Variants in NARS2 observed in about 807,000 individuals in gnomAD.
The protein encoded by NARS2 is asparaginyl-tRNA synthetase 2, mitochondrial.
In NARS2, 60 loss-of-function variants were observed where a neutral mutation model predicts 62.9. That is an observed-to-expected ratio of 0.95 (90% CI 0.77 to 1.18). NARS2 has a LOEUF of 1.18. Among genes scored for constraint, NARS2 ranks in the 50% most tolerant of loss-of-function variants. NARS2 has a pLI of 0.00. For missense variants in NARS2, 619 were observed against 576.4 expected (o/e 1.07, Z -0.76); for synonymous variants, 196 against 200.0 (o/e 0.98, Z 0.17).
intron 7 of NARS2, 24 bp from the exon 8 acceptor site, chr11:78,478,707 C>T (rs1321758549): frequency 2.7e-6 from 4 of 1,477,048 alleles, no homozygotes; most frequent in Non-Finnish European, 3.7e-6. Context: ...AATAGAATCA[C>T]CTGACACGTA....
chr11:78,476,754 T>C (rs1859116179), intron 9 of NARS2, among the ~76,000 whole-genome samples: 1 of 152,088 alleles, frequency 6.6e-6, no homozygotes, highest in Non-Finnish European at 1.5e-5. Context: ...GAGGACATTT[T>C]CCAACCTTAA....
intron 6 of NARS2, among the ~76,000 whole-genome samples, chr11:78,505,336 A>T (rs920942365): frequency 6.6e-6 from 1 of 151,298 alleles, no homozygotes; most frequent in Non-Finnish European, 1.5e-5. Context: ...ACGTATGTAT[A>T]TATCTTATGT....
At chr11:78,574,291 G>C (rs749938790) in intron 1 of NARS2, 57 bp downstream of exon 1, 13 of 1,603,804 alleles carry the variant, frequency 8.1e-6, no homozygotes, top group Non-Finnish European at 1.1e-5. Context: ...GCTAGATGTG[G>C]ATGTGCCATA....
chr11:78,456,478 A>G (rs911804286), intron 11 of NARS2, among the ~76,000 whole-genome samples: 3 of 152,154 alleles, frequency 2.0e-5, no homozygotes, highest in African/African-American at 7.2e-5. Context: ...TCCCTTCATC[A>G]CTATTTCTGT....
chr11:78,538,422 G>GA (rs879850642), intron 5 of NARS2, among the ~76,000 whole-genome samples: 1 of 152,040 alleles, frequency 6.6e-6, no homozygotes, highest in Non-Finnish European at 1.5e-5. Flanking sequence ...TTCTAATGGG[G>GA]AAAAAAGAAA....
Position 78,442,675 on chromosome 11 carries a change from A to G in NARS2, c.1262+986T>C, listed in dbSNP as rs1464154001. ...CTTTTACTAAAGTAGGAATCATGGA[A>G]AACAGGTATGGTTAGTTTAGGAAGT... On this transcript the variant is annotated intron_variant, in intron 12 of 13. Coordinates refer to ENST00000281038, the MANE Select transcript of NARS2 (RefSeq NM_024678.6). 2.0e-5 allele frequency among the ~76,000 whole-genome samples: 3 copies of G among 152,056 alleles called. No individual in the cohort carries two copies. The East Asian group carries it at 5.8e-4, about 29-fold the overall frequency.
At chr11:78,479,827 A>C (rs1471805986) in intron 7 of NARS2, among the ~76,000 whole-genome samples, 1 of 152,228 alleles carries the variant, frequency 6.6e-6, no homozygotes, top group Non-Finnish European at 1.5e-5. Context: ...ACATTAATAT[A>C]ACCAGATATA....
intron 6 of NARS2, among the ~76,000 whole-genome samples, chr11:78,521,166 CTTT>C (rs965232875): frequency 7.4e-6 from 1 of 135,362 alleles, no homozygotes; most frequent in Admixed American, 7.3e-5. Flanking sequence ...CTCTCTCTTT[CTTT>C]TTTTTTTTTT....
intron 9 of NARS2, among the ~76,000 whole-genome samples, chr11:78,472,071 C>T (rs943933194): frequency 1.3e-5 from 2 of 152,170 alleles, no homozygotes; most frequent in African/African-American, 4.8e-5. Context: ...AAATGACTCT[C>T]ATGTCTAAAT....
chr11:78,520,622 T>G (rs1861079741), intron 6 of NARS2, among the ~76,000 whole-genome samples: 1 of 152,218 alleles, frequency 6.6e-6, no homozygotes, highest in Admixed American at 6.5e-5. Flanking sequence ...TAAAGCCCAC[T>G]GAATCCTTCC....
chr11:78,544,048 TCA>T (rs1211778384), intron 5 of NARS2, among the ~76,000 whole-genome samples: 2 of 144,452 alleles, frequency 1.4e-5, no homozygotes, highest in Non-Finnish European at 3.0e-5. Context: ...AAACTCTCTC[TCA>T]CTCTCCAGAA....
At chr11:78,545,994 CTAAAAT>C (rs1855860864) in intron 5 of NARS2, among the ~76,000 whole-genome samples, 1 of 152,200 alleles carries the variant, frequency 6.6e-6, no homozygotes, top group African/African-American at 2.4e-5. Context: ...ACAAATCATT[CTAAAAT>C]TTAGCGGCTT....
intron 6 of NARS2, among the ~76,000 whole-genome samples, chr11:78,519,583 G>A (rs530674164): frequency 2.6e-5 from 4 of 152,174 alleles, no homozygotes; most frequent in Admixed American, 2.6e-4. Context: ...AAAACAGCAT[G>A]ATGTAAAGAC....
intron 6 of NARS2, among the ~76,000 whole-genome samples, chr11:78,520,822 G>A (rs759525864): frequency 2.6e-5 from 4 of 152,132 alleles, no homozygotes; most frequent in Admixed American, 2.0e-4. Flanking sequence ...TTGGGAGGCC[G>A]AGGCGGGTGG....
intron 5 of NARS2, among the ~76,000 whole-genome samples, chr11:78,543,571 T>C (rs1855717215): frequency 6.6e-6 from 1 of 152,066 alleles, no homozygotes; most frequent in African/African-American, 2.4e-5. Context: ...TAACCATTTG[T>C]AGGAAAAAAA....
In NARS2 at chr11:78,566,198, A is replaced by C. The variant is rs1422041196; in HGVS notation, c.447T>G (p.Thr149=). ...LRQYPHFRCR[T]NVLGSILRIR... ...TCCTCAATATAGAACCCAGAACGTT[A>C]GTCCTACACCTAAAGTGAGGATATT... is the stretch of plus-strand genomic sequence containing the variant. Residue 149 remains threonine (T), a synonymous_variant, in exon 4 of 14, where the codon ACT becomes ACG. Transcript: ENST00000281038. The C allele has an allele frequency of 1.9e-6, 3 of 1,612,904 alleles. No individual in the cohort carries two copies. The highest frequency in any genetic ancestry group is 2.5e-6 in the Non-Finnish European group (3 of 1,179,196).
intron 11 of NARS2, among the ~76,000 whole-genome samples, chr11:78,461,717 C>T (rs965466228): frequency 5.5e-5 from 8 of 145,614 alleles, no homozygotes; most frequent in African/African-American, 1.3e-4. Context: ...GAGGCTGAGG[C>T]GGATGGACTG....
intron 11 of NARS2, among the ~76,000 whole-genome samples, chr11:78,462,154 A>C (rs1433703108): frequency 1.3e-5 from 2 of 152,234 alleles, no homozygotes; most frequent in African/African-American, 4.8e-5. Flanking sequence ...AAGATGCTTA[A>C]TCTAGGGAAA....
intron 5 of NARS2, among the ~76,000 whole-genome samples, chr11:78,552,166 C>T (rs1487108334): frequency 6.6e-6 from 1 of 152,206 alleles, no homozygotes; most frequent in African/African-American, 2.4e-5. Context: ...CTCAGGAAGA[C>T]ACCAGTGTCT....
Sources: allele counts gnomAD v4.1 joint callset (sites outside exome capture counted in the v4.1 genomes callset), GRCh38; gene constraint gnomAD v4.1.1; transcripts MANE v1.5; gene names NCBI Gene and HGNC (gene_info 2026-07-23, HGNC 2026-07-21).